The following BBOF1 variants were observed in gnomAD, a reference collection of about 807,000 sequenced individuals.
BBOF1 encodes basal body-orientation factor 1.
BBOF1 carries 62 observed loss-of-function variants against 68.0 expected under a neutral mutation model. That is an observed-to-expected ratio of 0.91 (90% CI 0.74 to 1.13). The LOEUF is 1.13. Among genes scored for constraint, BBOF1 ranks in the 50% most tolerant of loss-of-function variants. BBOF1 has a pLI of 0.00. For synonymous variants in BBOF1, 208 were observed against 198.8 expected (o/e 1.05, Z -0.39); for missense variants, 534 against 600.1 (o/e 0.89, Z 1.15).
In BBOF1 at chr14:74,055,657, T is replaced by A. The variant is rs746474940; in HGVS notation, c.1360T>A (p.Phe454Ile). ...EQKEKVLRLL[F>I]AKMNGCPSRK... ...GAAGGAAAAAGTATTGCGATTGCTC[T>A]TTGCAAAAATGAATGGCTGTCCTTC... The change falls in exon 9 of 12, where the codon TTT becomes ATT. Residue 454 changes from phenylalanine (F) to isoleucine (I), a missense_variant. Physicochemically the swap from Phe to Ile is conservative, Grantham distance 21 (BLOSUM62 0). Coordinates refer to ENST00000394009, the MANE Select transcript of BBOF1 (RefSeq NM_025057.3). 1 of 1,613,776 alleles carries A rather than the reference T, an allele frequency of 6.2e-7. No individual in the cohort carries two copies. The highest frequency in any genetic ancestry group is 8.5e-7 in the Non-Finnish European group (1 of 1,179,774).
intron 2 of BBOF1, among the ~76,000 whole-genome samples, chr14:74,025,424 C>T (rs2059401259): frequency 1.3e-5 from 2 of 152,134 alleles, no homozygotes; most frequent in African/African-American, 4.8e-5. Context: ...TTTTGTTACT[C>T]ATTTTGCTAT....
intron 1 of BBOF1, among the ~76,000 whole-genome samples, chr14:74,022,367 G>A (rs2059323090): frequency 1.3e-5 from 2 of 152,096 alleles, no homozygotes; most frequent in Non-Finnish European, 2.9e-5. Context: ...GGGCAACATG[G>A]CAAAAACTCA....
At chr14:74,063,109 C>T (rs2060382714) in intron 11 of BBOF1, among the ~76,000 whole-genome samples, 1 of 152,148 alleles carries the variant, frequency 6.6e-6, no homozygotes, top group African/African-American at 2.4e-5. Flanking sequence ...CAGCCCATTT[C>T]CGCTGTCTGA....
rs1158969483 is a variant in BBOF1, at chr14:74,023,052, G to A, written c.193G>A (p.Glu65Lys). ...DTSRILAKSNEDLKKKQCKME... is the reference protein window; with the variant it reads ...DTSRILAKSNKDLKKKQCKME... The stretch of plus-strand genomic sequence containing the variant: ...TTCACGGATACTGGCAAAAAGTAAT[G>A]AGGACTTAAAGAAAAAGCAATGTAA... The change falls in exon 2 of 12, where the codon GAG becomes AAG. Residue 65 changes from glutamate to lysine, a missense_variant. By Grantham distance (56) the Glu-to-Lys change is moderately conservative (BLOSUM62 1). Coordinates refer to ENST00000394009, the MANE Select transcript of BBOF1 (RefSeq NM_025057.3). 3 of 1,608,914 alleles carry A rather than the reference G, an allele frequency of 1.9e-6. No homozygotes were observed. Among genetic ancestry groups the A allele is most frequent in the Admixed American group, 1.7e-5 (1 of 59,116 alleles).
chr14:74,036,580 A>C (rs2059704395), intron 4 of BBOF1, among the ~76,000 whole-genome samples: 1 of 150,332 alleles, frequency 6.7e-6, no homozygotes, highest in Non-Finnish European at 1.5e-5. Flanking sequence ...GCTACTCCAG[A>C]GGCTGAGGCA....
At chr14:74,043,817 G>A (rs1595060432) in intron 5 of BBOF1, among the ~76,000 whole-genome samples, 1 of 151,084 alleles carries the variant, frequency 6.6e-6, no homozygotes, top group African/African-American at 2.4e-5. Flanking sequence ...ACAGGTGTGA[G>A]CCACCACTCC....
intron 11 of BBOF1, chr14:74,059,966 G>A (rs2060303455): frequency 6.5e-6 from 1 of 153,764 alleles, no homozygotes; most frequent in African/African-American, 2.4e-5. Flanking sequence ...ATATAAAAAT[G>A]GATTATATCT....
At chr14:74,079,127 G>A (rs2060644753) in intron 10 of BBOF1, among the ~76,000 whole-genome samples, 1 of 151,748 alleles carries the variant, frequency 6.6e-6, no homozygotes, top group South Asian at 2.1e-4. Flanking sequence ...CTCTTCAGGT[G>A]ATACCCACGT....
At chr14:74,070,085 C>T (rs2060528537), downstream of BBOF1, among the ~76,000 whole-genome samples, 1 of 152,030 alleles carries the variant, frequency 6.6e-6, no homozygotes, top group Admixed American at 6.5e-5. Context: ...AAGTGATCCG[C>T]CTGCCTTCAC....
At chr14:74,030,739 C>T (rs934501051) in intron 3 of BBOF1, among the ~76,000 whole-genome samples, 1 of 151,902 alleles carries the variant, frequency 6.6e-6, no homozygotes, top group African/African-American at 2.4e-5. Flanking sequence ...CCTCATGATC[C>T]GCCCGCCTTG....
chr14:74,034,567 G>A (rs914293493), intron 4 of BBOF1, among the ~76,000 whole-genome samples: 1 of 152,206 alleles, frequency 6.6e-6, no homozygotes, highest in Non-Finnish European at 1.5e-5. Context: ...TATGGTAGGG[G>A]TCAGTAGGGT....
chr14:74,039,743 C>G (rs1046318627), intron 4 of BBOF1, among the ~76,000 whole-genome samples: 6 of 151,854 alleles, frequency 4.0e-5, no homozygotes, highest in Non-Finnish European at 5.9e-5. Flanking sequence ...CAACCTCTAC[C>G]TTTAGTTTTT....
intron 4 of BBOF1, among the ~76,000 whole-genome samples, chr14:74,037,922 T>C (rs1382347032): frequency 6.6e-6 from 1 of 151,586 alleles, no homozygotes; most frequent in Non-Finnish European, 1.5e-5. Context: ...GCCATTGCAC[T>C]CTGGCCTGGG....
At chr14:74,071,362 G>C (rs2060546828) in intron 9 of BBOF1, 1 of 1,614,060 alleles carries the variant, frequency 6.2e-7, no homozygotes, top group Non-Finnish European at 8.5e-7. Context: ...GATCATGGCA[G>C]GAAAATTGAA....
chr14:74,076,618 C>T (rs1251205495), intron 9 of BBOF1, among the ~76,000 whole-genome samples: 1 of 152,180 alleles, frequency 6.6e-6, no homozygotes, highest in Non-Finnish European at 1.5e-5. Context: ...CTCACTGCAA[C>T]CTCCACCTCC....
At chr14:74,076,518 C>A (rs4899492) in intron 9 of BBOF1, among the ~76,000 whole-genome samples, 1 of 151,466 alleles carries the variant, frequency 6.6e-6, no homozygotes. Flanking sequence ...TCTGCCACCA[C>A]GCCCAGCTAA....
At chr14:74,062,743 C>T (rs1279655363) in intron 11 of BBOF1, among the ~76,000 whole-genome samples, 3 of 152,106 alleles carry the variant, frequency 2.0e-5, no homozygotes, top group African/African-American at 7.2e-5. Flanking sequence ...TTTTTAATAA[C>T]CCAAACATAA....
intron 8 of BBOF1, among the ~76,000 whole-genome samples, chr14:74,053,436 C>T (rs527920454): frequency 6.6e-6 from 1 of 150,720 alleles, no homozygotes; most frequent in South Asian, 2.1e-4. Context: ...TTGAGACGGT[C>T]TCACTCTATT....
intron 11 of BBOF1, among the ~76,000 whole-genome samples, chr14:74,063,996 G>A (rs978810897): frequency 6.6e-6 from 1 of 151,742 alleles, no homozygotes; most frequent in African/African-American, 2.4e-5. Context: ...TATTCATAGT[G>A]CCTAAAATAA....
Sources: gnomAD v4.1 joint callset for allele counts (sites outside exome capture counted in the v4.1 genomes callset) on GRCh38, gnomAD v4.1.1 for gene constraint, MANE v1.5 for transcripts, NCBI Gene and HGNC (gene_info 2026-07-23, HGNC 2026-07-21) for gene names.